Variants in KIF16B observed in about 807,000 individuals in gnomAD.
KIF16B encodes kinesin-like protein KIF16B.
In KIF16B, 98 loss-of-function variants were observed where a neutral mutation model predicts 156.3. The ratio of observed to expected loss-of-function variants is 0.63; its 90% confidence interval spans 0.53 to 0.74. The LOEUF is 0.74. KIF16B is among the 30% of genes least tolerant of loss of function. KIF16B has a pLI of 0.00. For missense variants in KIF16B, 1,421 were observed against 1,606.5 expected, an observed-to-expected ratio of 0.88 and a Z score of 1.97; for synonymous variants, 564 against 583.7, an observed-to-expected ratio of 0.97 and a Z score of 0.49.
intron 24 of KIF16B, among the ~76,000 whole-genome samples, chr20:16,321,639 G>T (rs1231767490): frequency 6.6e-6 from 1 of 152,032 alleles, no homozygotes; most frequent in Non-Finnish European, 1.5e-5. Flanking sequence ...CTGCTTTTGA[G>T]GAAGGTATCT....
At chr20:16,417,814 A>T (rs2066127721) in intron 15 of KIF16B, among the ~76,000 whole-genome samples, 1 of 151,856 alleles carries the variant, frequency 6.6e-6, no homozygotes, top group Admixed American at 6.6e-5. Flanking sequence ...AACTGAAATG[A>T]TCCAATCTGA....
At chr20:16,457,644 C>T (rs578071553) in intron 12 of KIF16B, among the ~76,000 whole-genome samples, 69 of 152,152 alleles carry the variant, frequency 4.5e-4, no homozygotes, top group African/African-American at 1.6e-3. Flanking sequence ...TTGTCTTGTG[C>T]GGAGAATGAA....
intron 1 of KIF16B, among the ~76,000 whole-genome samples, chr20:16,563,672 G>A (rs2071150233): frequency 6.6e-6 from 1 of 151,992 alleles, no homozygotes; most frequent in South Asian, 2.1e-4. Context: ...CTCGATCTCT[G>A]CCACTCCACT....
At chr20:16,511,364 G>A in intron 6 of KIF16B, 54 bp downstream of exon 6, 2 of 984,604 alleles carry the variant, frequency 2.0e-6, no homozygotes, top group Non-Finnish European at 3.0e-6. Flanking sequence ...CATTGAAAGT[G>A]TTATTTTTAC....
intron 23 of KIF16B, 54 bp downstream of exon 23, chr20:16,356,276 A>G: frequency 1.2e-6 from 2 of 1,606,762 alleles, no homozygotes; most frequent in Non-Finnish European, 1.7e-6. Flanking sequence ...AGACAGATAA[A>G]GCACTGCATA....
chr20:16,550,142 A>C (rs2147283279), intron 1 of KIF16B, among the ~76,000 whole-genome samples: 2 of 120,838 alleles, frequency 1.7e-5, no homozygotes, highest in Middle Eastern at 7.5e-3. Flanking sequence ...AACTCAAACA[A>C]ATTTACAAGA....
chr20:16,353,024 G>A (rs1568876492), intron 23 of KIF16B, among the ~76,000 whole-genome samples: 1 of 152,144 alleles, frequency 6.6e-6, no homozygotes, highest in East Asian at 1.9e-4. Flanking sequence ...AACAAAAACT[G>A]ATTTTTTAAA....
intron 1 of KIF16B, among the ~76,000 whole-genome samples, chr20:16,554,521 C>T (rs2070777903): frequency 6.6e-6 from 1 of 152,206 alleles, no homozygotes; most frequent in Non-Finnish European, 1.5e-5. Context: ...CTCCTCTTTG[C>T]CTTGCTCACC....
intron 15 of KIF16B, among the ~76,000 whole-genome samples, 191 bp downstream of exon 15, chr20:16,426,913 C>T (rs1345775015): frequency 6.6e-6 from 1 of 152,006 alleles, no homozygotes; most frequent in Admixed American, 6.6e-5. Flanking sequence ...TTTAATTAAA[C>T]AAGACAATGG....
chr20:16,567,807 C>T (rs970615892), intron 1 of KIF16B, among the ~76,000 whole-genome samples: 1 of 152,132 alleles, frequency 6.6e-6, no homozygotes, highest in Non-Finnish European at 1.5e-5. Context: ...ACAAAATTAG[C>T]CGGGCGTGGT....
In KIF16B at chr20:16,435,911, T is replaced by C. The variant is rs1432526019; in HGVS notation, c.1303-5929A>G. 2.0e-5 allele frequency among the ~76,000 whole-genome samples: 3 copies of C among 152,338 alleles called. No homozygotes were observed. The East Asian group carries it at 5.8e-4, about 29-fold the overall frequency. Reference sequence around the variant, plus strand: ...TTTTTTCATCTCACTTTGCTTTTTATTACCATCTTGCTTTGTTTATTGAAT... The same window carrying C: ...TTTTTTCATCTCACTTTGCTTTTTACTACCATCTTGCTTTGTTTATTGAAT... On this transcript the variant is annotated intron_variant, in intron 12 of 25. Transcript: ENST00000354981.
At chr20:16,361,279 G>T (rs943104047) in intron 22 of KIF16B, among the ~76,000 whole-genome samples, 1 of 152,138 alleles carries the variant, frequency 6.6e-6, no homozygotes, top group African/African-American at 2.4e-5. Flanking sequence ...GGAAAGAGAC[G>T]ACGAAGATTT....
At chr20:16,313,388 T>A (rs1403601851) in intron 24 of KIF16B, among the ~76,000 whole-genome samples, 2 of 152,190 alleles carry the variant, frequency 1.3e-5, no homozygotes, top group African/African-American at 4.8e-5. Context: ...GAGTCAAGAA[T>A]TAAAGACTAG....
intron 9 of KIF16B, 69 bp downstream of exon 9, chr20:16,505,653 A>C: frequency 7.0e-7 from 1 of 1,423,490 alleles, no homozygotes; most frequent in Non-Finnish European, 9.7e-7. Context: ...AAGACACTTT[A>C]AACTTAAATA....
chr20:16,303,336 A>G (rs1214931001), intron 25 of KIF16B, among the ~76,000 whole-genome samples: 2 of 152,232 alleles, frequency 1.3e-5, no homozygotes, highest in Non-Finnish European at 2.9e-5. Context: ...TTGTATATCA[A>G]CTGAGGACAT....
At chr20:16,565,790 C>A (rs191147879) in intron 1 of KIF16B, among the ~76,000 whole-genome samples, 1 of 152,324 alleles carries the variant, frequency 6.6e-6, no homozygotes, top group African/African-American at 2.4e-5. Flanking sequence ...TTCTACCCAC[C>A]CCAACCCGCG....
intron 1 of KIF16B, among the ~76,000 whole-genome samples, chr20:16,571,049 C>T (rs1177030782): frequency 1.3e-5 from 2 of 152,156 alleles, no homozygotes; most frequent in African/African-American, 2.4e-5. Flanking sequence ...GGTCAACATG[C>T]GTGAAACACT....
At chr20:16,436,970 C>A (rs2066656593) in intron 12 of KIF16B, among the ~76,000 whole-genome samples, 1 of 152,124 alleles carries the variant, frequency 6.6e-6, no homozygotes, top group African/African-American at 2.4e-5. Context: ...CTGAGGATAC[C>A]AAATCCAAGA....
At chr20:16,452,764 G>A (rs1252089482) in intron 12 of KIF16B, among the ~76,000 whole-genome samples, 2 of 151,904 alleles carry the variant, frequency 1.3e-5, no homozygotes, top group African/African-American at 4.8e-5. Flanking sequence ...GAACCTGGGA[G>A]GCGAAGCTTG....
Sources: gnomAD v4.1 joint callset for allele counts (sites outside exome capture counted in the v4.1 genomes callset) on GRCh38, gnomAD v4.1.1 for gene constraint, MANE v1.5 for transcripts, NCBI Gene and HGNC (gene_info 2026-07-23, HGNC 2026-07-21) for gene names.